Variants in ICAM2 observed in about 807,000 individuals in gnomAD.
ICAM2 encodes the protein ICAM-2.
ICAM2 carries 14 observed loss-of-function variants against 19.1 expected under a neutral mutation model. The ratio of observed to expected loss-of-function variants is 0.73; its 90% CI spans 0.48 to 1.15. ICAM2 has a LOEUF of 1.15. ICAM2 is among the 50% of genes most tolerant of loss of function. The pLI, the probability that ICAM2 is intolerant of heterozygous loss-of-function variation, is 0.00. For synonymous variants in ICAM2, 153 were observed against 152.7 expected, an observed-to-expected ratio of 1.00 and a Z score of -0.01; for missense variants, 311 against 355.4, an observed-to-expected ratio of 0.88 and a Z score of 1.00.
chr17:64,006,734 G>T lies in ICAM2; in HGVS notation c.-43C>A, dbSNP rs1272494264. 1.3e-6 allele frequency: 2 copies of T among 1,589,466 alleles called. No individual in the cohort carries two copies. Among genetic ancestry groups the T allele is most frequent in the Non-Finnish European group, 1.7e-6 (2 of 1,158,122 alleles). ...GGCTCGCAGGGACCAGCCAAGGGCT[G>T]CCTGGAGGGAGATGGTGGGCGCAGG... On this transcript the variant is annotated splice_region_variant and 5_prime_UTR_variant, in exon 2 of 5. Coordinates refer to ENST00000579788, the MANE Select transcript of ICAM2 (RefSeq NM_001099789.2).
intron 1 of ICAM2, among the ~76,000 whole-genome samples, chr17:64,017,370 G>A (rs1911756355): frequency 1.3e-5 from 2 of 152,082 alleles, no homozygotes; most frequent in African/African-American, 4.8e-5. Context: ...CAAAAAAGTA[G>A]AGCAAGAAAA....
intron 1 of ICAM2, among the ~76,000 whole-genome samples, chr17:64,009,960 G>A (rs1598022063): frequency 2.0e-5 from 3 of 152,260 alleles, no homozygotes; most frequent in East Asian, 3.9e-4. Flanking sequence ...ACCCCAAGAG[G>A]AGCTGACTCA....
At chr17:64,014,306 T>G (rs997676166) in intron 1 of ICAM2, among the ~76,000 whole-genome samples, 1 of 43,958 alleles carries the variant, frequency 2.3e-5, no homozygotes, top group East Asian at 7.0e-4. Context: ...AGATCACATC[T>G]GAAAGAAGGA....
rs1453779731 is a variant in ICAM2, at chr17:64,018,325, C to T, written c.-45+2198G>A. ...TTCCAGCCTGGGTGACAGAGTGAGA[C>T]TCTATCTCAAAAAAAAAAAAAAAAA... On this transcript the variant is annotated intron_variant, in intron 1 of 4. Transcript: ENST00000579788. Among the ~76,000 whole-genome samples the T allele has an allele frequency of 3.2e-4, 26 of 82,034 alleles. 1 individual carries two copies. In the Admixed American group the frequency reaches 5.5e-3, roughly 17 times the overall value. 53.8% of individuals were successfully genotyped at this position (82,034 alleles called of 152,430 possible).
intron 1 of ICAM2, among the ~76,000 whole-genome samples, chr17:64,014,330 GGAAAGAAAGAAAGAAA>G (rs1187209016): frequency 6.4e-5 from 2 of 31,152 alleles, no homozygotes; most frequent in African/African-American, 2.2e-4. Context: ...AAGGAAGGAA[GGAAAGAAAGAAAGAAA>G]GAAAGAAAGA....
At chr17:64,018,582 C>G (rs1202693984) in intron 1 of ICAM2, among the ~76,000 whole-genome samples, 2 of 151,862 alleles carry the variant, frequency 1.3e-5, no homozygotes, top group Admixed American at 1.3e-4. Context: ...TATTGGTGCT[C>G]TCAGAGATAA....
rs1170879092 is a variant in ICAM2 at position 64,014,400 on chromosome 17, G to A, written c.-45+6123C>T. On this transcript the variant is annotated intron_variant, in intron 1 of 4. Coordinates refer to ENST00000579788, the MANE Select transcript of ICAM2 (RefSeq NM_001099789.2). ...GAAAGGAAGGAAGGAAGGAAGGAAG[G>A]AAGGAAGAGAAAGAGAAAGAAAGGA... Among the ~76,000 whole-genome samples the A allele has an allele frequency of 7.9e-5, 5 of 63,502 alleles. 1 individual carries two copies. Among genetic ancestry groups the A allele is most frequent in the African/African-American group, 1.9e-4 (4 of 21,060 alleles). The allele number at this position is 63,502 out of a possible 152,430, so 41.7% of individuals were successfully genotyped here. A position where few individuals can be genotyped will look rare whatever the true frequency, so the allele number is the denominator to read the frequency against.
chr17:64,003,538 T>G, intron 4 of ICAM2, 106 bp downstream of exon 4: 1 of 991,024 alleles, frequency 1.0e-6, no homozygotes. Context: ...GGATGAAGGG[T>G]GGGCTCCTGG....
At chr17:64,007,245 GTTTTC>G (rs1422485293) in intron 1 of ICAM2, among the ~76,000 whole-genome samples, 1 of 151,926 alleles carries the variant, frequency 6.6e-6, no homozygotes, top group Non-Finnish European at 1.5e-5. Context: ...ATCCCACTCA[GTTTTC>G]TTTTCTTTTT....
At position 64,002,796 on chromosome 17, in the gene ICAM2, T is replaced by C; in HGVS notation, c.779A>G (p.Tyr260Cys). The C allele has an allele frequency of 1.2e-6, 2 of 1,613,522 alleles. No individual in the cohort carries two copies. Among genetic ancestry groups the C allele is most frequent in the Non-Finnish European group, 1.7e-6 (2 of 1,179,944 alleles). ...QHLRQQRMGTYGVRAAWRRLP... is the reference protein window; with the variant it reads ...QHLRQQRMGTCGVRAAWRRLP... ...CCTCCTCCAAGCCGCTCGCACCCCG[T>C]AGGTGCCCATCCGCTGCTGGCGCAA... Residue 260 changes from tyrosine to cysteine, a missense_variant, in exon 5 of 5, where the codon TAC (tyrosine) becomes TGC (cysteine). Tyr to Cys is a radical substitution (Grantham distance 194, BLOSUM62 -2). Coordinates refer to ENST00000579788, the MANE Select transcript of ICAM2 (RefSeq NM_001099789.2).
At chr17:64,006,467 A>G in intron 2 of ICAM2, 164 bp downstream of exon 2, 1 of 632,466 alleles carries the variant, frequency 1.6e-6, no homozygotes, top group South Asian at 2.0e-5. Context: ...ACTGTACTCC[A>G]GCCTGGGTGA....
chr17:64,014,330 G>GGAAGGAAGGAAGGAAA (rs1219763465), intron 1 of ICAM2, among the ~76,000 whole-genome samples: 39 of 31,094 alleles, frequency 1.3e-3, no homozygotes, highest in Admixed American at 1.9e-3. Context: ...AAGGAAGGAA[G>GGAAGGAAGGAAGGAAA]GAAAGAAAGA....
At chr17:64,016,542 A>G (rs1015721416) in intron 1 of ICAM2, among the ~76,000 whole-genome samples, 3 of 152,250 alleles carry the variant, frequency 2.0e-5, no homozygotes, top group Non-Finnish European at 4.4e-5. Context: ...AGGTCCCTAG[A>G]ATGCGATCCT....
intron 1 of ICAM2, among the ~76,000 whole-genome samples, chr17:64,014,710 GAAGGAAGGAAGGAAGAAAGA>G (rs1415065008): frequency 0.021 from 761 of 36,288 alleles, 6 homozygotes; most frequent in South Asian, 0.088. Flanking sequence ...AGGAAGGAAG[GAAGGAAGGAAGGAAGAAAGA>G]AAGAAAGAAA....
chr17:64,017,632 G>A (rs1023710763), intron 1 of ICAM2, among the ~76,000 whole-genome samples: 2 of 152,128 alleles, frequency 1.3e-5, no homozygotes, highest in South Asian at 2.1e-4. Flanking sequence ...GAACCAAGAC[G>A]CCCCTAAAGG....
At position 64,005,261 on chromosome 17, in the gene ICAM2, A is replaced by T; in HGVS notation, c.174T>A (p.Gly58=). The change falls in exon 3 of 5, where the codon GGT becomes GGA. Residue 58 remains glycine, a synonymous_variant. Transcript: ENST00000579788. The part of the protein sequence containing the change: ...CSTTCNQPEV[G]GLETSLDKIL... ...TCTTATCTAGAGAGGTCTCCAGACC[A>T]CCCACTTCAGGCTGGTTACAGGTGG... 6.2e-7 allele frequency: 1 copy of T among 1,614,122 alleles called. No individual in the cohort carries two copies. The highest frequency in any genetic ancestry group is 2.2e-5 in the East Asian group (1 of 44,886).
intron 2 of ICAM2, chr17:64,005,955 G>A (rs1255042294): frequency 1.9e-5 from 3 of 160,452 alleles, no homozygotes; most frequent in Admixed American, 1.2e-4. Flanking sequence ...AAGGGAGCAG[G>A]GAGTGGGGGT....
Position 64,014,346 on chromosome 17 carries a change from A to G in ICAM2, c.-45+6177T>C, listed in dbSNP as rs899336834. On this transcript the variant is annotated intron_variant, in intron 1 of 4. Transcript: ENST00000579788. ...AGGAAGGAAGGAAAGAAAGAAAGAA[A>G]GAAAGAAAGAAAGAAAGAAAGAAAG... Among the ~76,000 whole-genome samples the G allele has an allele frequency of 2.8e-3, 136 of 48,770 alleles. 4 individuals carry two copies. The highest frequency in any genetic ancestry group is 4.0e-3 in the Non-Finnish European group (91 of 22,862). The allele number at this position is 48,770 out of a possible 152,430, so 32.0% of individuals were successfully genotyped here.
At chr17:64,018,439 A>C (rs1911805357) in intron 1 of ICAM2, among the ~76,000 whole-genome samples, 4 of 151,770 alleles carry the variant, frequency 2.6e-5, no homozygotes, top group African/African-American at 7.3e-5. Context: ...CAGGGAAATT[A>C]AAATTAAAAT....
Sources: gnomAD v4.1 joint callset for allele counts (sites outside exome capture counted in the v4.1 genomes callset) on GRCh38, gnomAD v4.1.1 for gene constraint, MANE v1.5 for transcripts, NCBI Gene and HGNC (gene_info 2026-07-23, HGNC 2026-07-21) for gene names.